The following ELF1 variants were observed in gnomAD, a reference collection of about 807,000 sequenced individuals.
The protein encoded by ELF1 is ETS-related transcription factor Elf-1.
ELF1 carries 24 observed loss-of-function variants against 59.9 expected under a neutral mutation model. That is an observed-to-expected ratio of 0.40 (90% CI 0.29 to 0.56). The LOEUF is 0.56. Ranked by LOEUF, ELF1 falls within the 20% of genes least tolerant of loss-of-function variation. ELF1 has a pLI of 0.44. For missense variants in ELF1, 627 were observed against 742.2 expected (o/e 0.84, Z 1.80); for synonymous variants, 248 against 266.2 (o/e 0.93, Z 0.67).
intron 1 of ELF1, among the ~76,000 whole-genome samples, chr13:41,011,529 G>A (rs955106171): frequency 6.6e-6 from 1 of 151,948 alleles, no homozygotes. Flanking sequence ...GTGAAGCCTT[G>A]ACCTCCTGGG....
intron 2 of ELF1, 109 bp from the exon 3 acceptor site, chr13:40,959,125 A>T: frequency 1.4e-6 from 2 of 1,380,438 alleles, no homozygotes; most frequent in Non-Finnish European, 1.9e-6. Context: ...TAATTTTTAG[A>T]TCATCAGGCT....
intron 8 of ELF1, among the ~76,000 whole-genome samples, chr13:40,940,546 T>C (rs893541342): frequency 3.9e-5 from 6 of 152,196 alleles, no homozygotes; most frequent in Admixed American, 2.6e-4. Context: ...TGCTTGGAAC[T>C]CTATGCACTC....
chr13:40,979,409 C>T (rs1002652473), intron 2 of ELF1, among the ~76,000 whole-genome samples: 1 of 152,112 alleles, frequency 6.6e-6, no homozygotes, highest in Non-Finnish European at 1.5e-5. Flanking sequence ...GAGTAACTTG[C>T]CCAAAGTCAC....
intron 3 of ELF1, among the ~76,000 whole-genome samples, chr13:40,955,954 GGTCAGCCCCCCGCCC>G (rs1230534550): frequency 8.7e-6 from 1 of 115,230 alleles, no homozygotes; most frequent in Non-Finnish European, 1.9e-5. Context: ...GAGGCGGGGG[GGTCAGCCCCCCGCCC>G]GGCCAGCCGC....
At chr13:41,060,368 C>G (rs921920019) in intron 1 of ELF1, among the ~76,000 whole-genome samples, 2 of 152,160 alleles carry the variant, frequency 1.3e-5, no homozygotes, top group African/African-American at 2.4e-5. Context: ...GGGTGTGGGC[C>G]GGACGGGGGC....
intron 1 of ELF1, among the ~76,000 whole-genome samples, chr13:41,056,987 G>C (rs1192045189): frequency 5.3e-5 from 8 of 152,164 alleles, no homozygotes; most frequent in Non-Finnish European, 1.2e-4. Context: ...TGGTAGATAA[G>C]GTAGGACCTG....
Position 40,933,392 on chromosome 13 carries a change from A to G in ELF1, c.*33T>C. ...GCATATAATTGAAAATGTTCAATTAACAAACAATTATTCATAAGCTTTGGT... is the reference window on the plus strand; with the variant it reads ...GCATATAATTGAAAATGTTCAATTAGCAAACAATTATTCATAAGCTTTGGT... On this transcript the variant is annotated 3_prime_UTR_variant, in exon 9 of 9. Transcript: ENST00000239882. 6.3e-7 allele frequency: 1 copy of G among 1,577,506 alleles called. No individual in the cohort carries two copies. The highest frequency in any genetic ancestry group is 8.6e-7 in the Non-Finnish European group (1 of 1,163,392).
intron 1 of ELF1, among the ~76,000 whole-genome samples, chr13:41,055,959 A>G (rs1412449080): frequency 6.6e-6 from 1 of 152,194 alleles, no homozygotes; most frequent in African/African-American, 2.4e-5. Context: ...ATCAAGAGAG[A>G]AAATATTCTA....
intron 1 of ELF1, among the ~76,000 whole-genome samples, chr13:41,008,738 T>C (rs1255420547): frequency 2.0e-5 from 3 of 152,168 alleles, no homozygotes; most frequent in African/African-American, 7.2e-5. Context: ...ATATCCACAA[T>C]TATCTGAAGT....
At position 40,968,496 on chromosome 13, in the gene ELF1, T is replaced by C. The variant is rs74045670; in HGVS notation, c.73-9480A>G. ...TATAGTGCCCCTCCTCAATGGTTTCTACTATTTCTAAATTCCAAAGTGTAT... is the reference window on the plus strand; with the variant it reads ...TATAGTGCCCCTCCTCAATGGTTTCCACTATTTCTAAATTCCAAAGTGTAT... On this transcript the variant is annotated intron_variant, in intron 2 of 8. Coordinates refer to ENST00000239882, the MANE Select transcript of ELF1 (RefSeq NM_172373.4). Among the ~76,000 whole-genome samples, 1,023 of 152,300 alleles carry C rather than the reference T, an allele frequency of 6.7e-3. 9 individuals carry two copies. The highest frequency in any genetic ancestry group is 0.024 in the African/African-American group (977 of 41,550).
chr13:40,975,190 G>A (rs1160448565), intron 2 of ELF1, among the ~76,000 whole-genome samples: 2 of 152,172 alleles, frequency 1.3e-5, no homozygotes, highest in African/African-American at 4.8e-5. Context: ...CACTGGCGCT[G>A]AATAAGTTAC....
At chr13:40,935,493 A>G (rs1448521600) in intron 8 of ELF1, among the ~76,000 whole-genome samples, 1 of 152,186 alleles carries the variant, frequency 6.6e-6, no homozygotes, top group Non-Finnish European at 1.5e-5. Flanking sequence ...ACCCAGAGCA[A>G]TTCAGGACAC....
chr13:40,932,689 A>G lies in ELF1; in HGVS notation c.*736T>C, dbSNP rs1463056381. 1 of 152,236 alleles carries G rather than the reference A, an allele frequency of 6.6e-6. No homozygotes were observed. Among genetic ancestry groups the G allele is most frequent in the South Asian group, 2.1e-4 (1 of 4,838 alleles). 9.4% of individuals were successfully genotyped at this position (152,236 alleles called of 1,614,324 possible). A position where few individuals can be genotyped will look rare whatever the true frequency, so the allele number is the denominator to read the frequency against. ...GATTTAATTGACATAACTTGAAAATATAGGTATTAGAATTAAAAAAATTAG... is the reference window on the plus strand; with the variant it reads ...GATTTAATTGACATAACTTGAAAATGTAGGTATTAGAATTAAAAAAATTAG... On this transcript the variant is annotated 3_prime_UTR_variant, in exon 9 of 9. Coordinates refer to ENST00000239882, the MANE Select transcript of ELF1 (RefSeq NM_172373.4).
In ELF1 at chr13:40,933,254, AAG is replaced by A; in HGVS notation, c.*169_*170del. On this transcript the variant is annotated 3_prime_UTR_variant, in exon 9 of 9. Transcript: ENST00000239882. Reference sequence around the variant, plus strand: ...TGAATTCTGAAACATTTAGATAACAAAGAGAAACAGTTGAGTTTTCCTCCCTC... The same window carrying A: ...TGAATTCTGAAACATTTAGATAACAAAGAAACAGTTGAGTTTTCCTCCCTC... The A allele has an allele frequency of 3.8e-6, 3 of 793,472 alleles. No homozygotes were observed. Among genetic ancestry groups the A allele is most frequent in the Non-Finnish European group, 5.7e-6 (3 of 527,588 alleles). The allele number at this position is 793,472 out of a possible 1,614,324, so 49.2% of individuals were successfully genotyped here. A position where few individuals can be genotyped will look rare whatever the true frequency, so the allele number is the denominator to read the frequency against.
intron 1 of ELF1, among the ~76,000 whole-genome samples, chr13:41,042,705 T>C (rs1370936516): frequency 6.6e-6 from 1 of 152,204 alleles, no homozygotes; most frequent in African/African-American, 2.4e-5. Context: ...ATCCAGTCTA[T>C]CATTGATGGA....
intron 1 of ELF1, among the ~76,000 whole-genome samples, chr13:41,050,477 C>A (rs959066265): frequency 6.6e-6 from 1 of 152,182 alleles, no homozygotes; most frequent in Non-Finnish European, 1.5e-5. Flanking sequence ...TAAGAACATA[C>A]AAATATCTCT....
intron 1 of ELF1, among the ~76,000 whole-genome samples, chr13:41,003,222 C>A (rs1874564901): frequency 6.6e-6 from 1 of 152,092 alleles, no homozygotes; most frequent in South Asian, 2.1e-4. Flanking sequence ...CAACACCCCC[C>A]AACAAAGAGC....
intron 2 of ELF1, among the ~76,000 whole-genome samples, chr13:40,963,553 T>C (rs544740960): frequency 2.6e-5 from 4 of 152,302 alleles, no homozygotes; most frequent in Admixed American, 2.6e-4. Flanking sequence ...ATCTCTCGTT[T>C]CCCCAGGATG....
intron 1 of ELF1, among the ~76,000 whole-genome samples, chr13:41,046,828 G>A (rs1045250319): frequency 2.0e-5 from 3 of 152,058 alleles, no homozygotes; most frequent in Admixed American, 1.3e-4. Flanking sequence ...TTGAATGTTG[G>A]CCTGCCTTGC....
Sources: gnomAD v4.1 joint callset for allele counts (sites outside exome capture counted in the v4.1 genomes callset) on GRCh38, gnomAD v4.1.1 for gene constraint, MANE v1.5 for transcripts, NCBI Gene and HGNC (gene_info 2026-07-23, HGNC 2026-07-21) for gene names.